The following DGKH variants were observed in gnomAD, a reference collection of about 807,000 sequenced individuals.
DGKH encodes DAG kinase eta.
In DGKH, 90 loss-of-function variants were observed where a neutral mutation model predicts 159.3. The observed-to-expected ratio is 0.57, with a 90% CI of 0.48 to 0.67. The LOEUF (loss-of-function observed/expected upper bound fraction) is 0.67, where lower values mean the gene tolerates loss of function less well. Ranked by LOEUF, DGKH falls within the 30% of genes least tolerant of loss-of-function variation. The pLI is 0.00. For missense variants in DGKH, 1,181 were observed against 1,506.1 expected (o/e 0.78, Z 3.57); for synonymous variants, 536 against 553.8 (o/e 0.97, Z 0.45).
intron 13 of DGKH, chr13:42,181,708 C>T: frequency 1.6e-6 from 1 of 634,440 alleles, no homozygotes; most frequent in Non-Finnish European, 2.5e-6. Context: ...AGTATATGCC[C>T]CACAGCAGGG....
At chr13:42,136,152 G>T (rs1955398509) in intron 3 of DGKH, among the ~76,000 whole-genome samples, 1 of 152,142 alleles carries the variant, frequency 6.6e-6, no homozygotes, top group Non-Finnish European at 1.5e-5. Context: ...CACAATACCT[G>T]CAGTTTAATA....
chr13:42,253,189 A>AC (rs1343294356), intron 30 of DGKH, among the ~76,000 whole-genome samples: 1 of 152,130 alleles, frequency 6.6e-6, no homozygotes, highest in African/African-American at 2.4e-5. Context: ...ACATGTTGAA[A>AC]CCTAATCCCC....
chr13:42,099,394 G>A (rs1236877521), intron 1 of DGKH, among the ~76,000 whole-genome samples: 1 of 152,168 alleles, frequency 6.6e-6, no homozygotes, highest in African/African-American at 2.4e-5. Context: ...CATGTGTGCA[G>A]TGGACACAGA....
intron 7 of DGKH, among the ~76,000 whole-genome samples, chr13:42,163,215 G>A (rs1566146883): frequency 6.6e-6 from 1 of 151,468 alleles, no homozygotes; most frequent in Non-Finnish European, 1.5e-5. Flanking sequence ...TGGCTGCATA[G>A]TATTCCATGG....
chr13:42,219,137 A>T, intron 26 of DGKH, 93 bp from the exon 27 acceptor site: 1 of 1,497,862 alleles, frequency 6.7e-7, no homozygotes. Flanking sequence ...ATAAGGAGTG[A>T]GGCTGTTCAC....
intron 20 of DGKH, 96 bp from the exon 21 acceptor site, chr13:42,205,943 A>G (rs1351458504): frequency 5.0e-6 from 3 of 599,462 alleles, no homozygotes; most frequent in African/African-American, 3.8e-5. Context: ...ACTGTGCTCC[A>G]TTGTCCTTCA....
intron 16 of DGKH, among the ~76,000 whole-genome samples, chr13:42,192,218 A>G (rs945916814): frequency 6.6e-6 from 1 of 152,198 alleles, no homozygotes; most frequent in Non-Finnish European, 1.5e-5. Context: ...TGGACCTCAC[A>G]TGTTCAGCAT....
At chr13:42,086,950 T>C (rs1293112829) in intron 1 of DGKH, among the ~76,000 whole-genome samples, 1 of 152,010 alleles carries the variant, frequency 6.6e-6, no homozygotes, top group Non-Finnish European at 1.5e-5. Context: ...AAGAAAGCTC[T>C]AGAGATCTGC....
intron 1 of DGKH, among the ~76,000 whole-genome samples, chr13:42,051,646 C>CTTT (rs56413015): frequency 4.0e-5 from 2 of 50,180 alleles, no homozygotes; most frequent in Admixed American, 3.7e-4. Context: ...TCAAAGCCAT[C>CTTT]TTTTTTTTTT....
chr13:42,205,800 G>C (rs1338150057), intron 20 of DGKH, among the ~76,000 whole-genome samples: 1 of 152,010 alleles, frequency 6.6e-6, no homozygotes, highest in African/African-American at 2.4e-5. Flanking sequence ...GGAGGAAAGA[G>C]GTAAAGCATT....
rs538491099 is a variant in DGKH, at chr13:42,134,190, A to T, written c.384+4558A>T. On this transcript the variant is annotated intron_variant, in intron 3 of 29. Transcript: ENST00000337343. ...GTTCTAGAGATCAGGGCAGTGATTG[A>T]CCTAGCCTGGGAAGTTCCTCAGTGT... Among the ~76,000 whole-genome samples, 53 of 152,290 alleles carry T rather than the reference A, an allele frequency of 3.5e-4. 1 individual carries two copies. In the South Asian group the frequency reaches 0.011, roughly 30 times the overall value.
At chr13:42,053,171 G>T (rs1263255471) in intron 1 of DGKH, among the ~76,000 whole-genome samples, 1 of 151,270 alleles carries the variant, frequency 6.6e-6, no homozygotes, top group Non-Finnish European at 1.5e-5. Context: ...CCATCTCAAA[G>T]AAAAAAACAA....
At chr13:42,087,565 G>A (rs2137736783) in intron 1 of DGKH, among the ~76,000 whole-genome samples, 1 of 152,164 alleles carries the variant, frequency 6.6e-6, no homozygotes, top group African/African-American at 2.4e-5. Flanking sequence ...AAAAAAACAT[G>A]AACACAAGAG....
At chr13:42,143,913 GA>G (rs1257977205) in intron 3 of DGKH, among the ~76,000 whole-genome samples, 1 of 151,964 alleles carries the variant, frequency 6.6e-6, no homozygotes, top group Non-Finnish European at 1.5e-5. Context: ...GTTCTGCTCT[GA>G]TCTTAGTTAT....
At position 42,221,383 on chromosome 13, in the gene DGKH, C is replaced by T. The variant is rs1267740667; in HGVS notation, c.3562C>T (p.Arg1188Ter). 4.3e-6 allele frequency: 7 copies of T among 1,613,322 alleles called. No individual in the cohort carries two copies. Among genetic ancestry groups the T allele is most frequent in the African/African-American group, 1.3e-5 (1 of 74,880 alleles). Residue 1188 changes from arginine to a stop codon, truncating the protein, a stop_gained, in exon 29 of 30, where the codon CGA (arginine) becomes TGA (stop). Transcript: ENST00000337343. LOFTEE classifies it low-confidence loss of function (END_TRUNC). ...RGAELLHLER[R>*]DLKDLGIPKV... ...GGCTGAACTTTTGCATCTGGAAAGG[C>T]GAGATCTTAAGGTATTTCCTTTGTG...
intron 1 of DGKH, among the ~76,000 whole-genome samples, chr13:42,123,637 G>A (rs1055790007): frequency 1.3e-5 from 2 of 152,092 alleles, no homozygotes; most frequent in African/African-American, 4.8e-5. Context: ...CATTTAAGAT[G>A]CAAAAATAGG....
chr13:42,114,176 G>A (rs1954921936), intron 1 of DGKH, among the ~76,000 whole-genome samples: 1 of 152,014 alleles, frequency 6.6e-6, no homozygotes, highest in African/African-American at 2.4e-5. Flanking sequence ...TTAATTTGGG[G>A]GAAAAAAGTC....
In DGKH at chr13:42,238,272, C is replaced by T. The variant is rs1958456943; in HGVS notation, c.*9084C>T. 8 of 152,118 alleles carry T rather than the reference C, an allele frequency of 5.3e-5. 1 individual carries two copies. In the South Asian group the frequency reaches 1.7e-3, roughly 32 times the overall value. The allele number at this position is 152,118 out of a possible 1,614,324, so 9.4% of individuals were successfully genotyped here. A position where few individuals can be genotyped will look rare whatever the true frequency, so the allele number is the denominator to read the frequency against. On this transcript the variant is annotated 3_prime_UTR_variant, in exon 30 of 30. Coordinates refer to ENST00000337343, the MANE Select transcript of DGKH (RefSeq NM_178009.5). The stretch of plus-strand genomic sequence containing the variant: ...AGAAATTAGAAGTTCAAATTGATAT[C>T]CCTGATGTTTAATTTAAAAATGAAA...
rs1957507703 is a variant in DGKH at position 42,207,062 on chromosome 13, C to CCTTCT, written c.2601+916_2601+917insCTTCT. ...CTTTCCTTCTTTCCTTCTTTCCTTCCTTCTTTCTTTCTTTCTTTCTTTCTT... is the reference window on the plus strand; with the variant it reads ...CTTTCCTTCTTTCCTTCTTTCCTTCCCTTCTTTCTTTCTTTCTTTCTTTCTTTCTT... On this transcript the variant is annotated intron_variant, in intron 21 of 29. Transcript: ENST00000337343. 1.2e-4 allele frequency among the ~76,000 whole-genome samples: 8 copies of CCTTCT among 65,338 alleles called. 1 individual carries two copies. In the East Asian group the frequency reaches 1.3e-3, roughly 10 times the overall value. The allele number at this position is 65,338 out of a possible 152,430, so 42.9% of individuals were successfully genotyped here.
Sources: allele counts gnomAD v4.1 joint callset (sites outside exome capture counted in the v4.1 genomes callset), GRCh38; gene constraint gnomAD v4.1.1; transcripts MANE v1.5; gene names NCBI Gene and HGNC (gene_info 2026-07-23, HGNC 2026-07-21).